PRKG1: variants seen among roughly 807,000 people sequenced by gnomAD.
PRKG1 encodes cGMP-dependent protein kinase 1.
In PRKG1, 35 loss-of-function variants were observed where a neutral mutation model predicts 88.1. The observed-to-expected ratio is 0.40, with a 90% CI of 0.30 to 0.53. PRKG1 has a LOEUF of 0.53. PRKG1 is among the 20% of genes least tolerant of loss of function. The probability of loss-of-function intolerance (pLI) is 0.59; values close to 1 mark genes in which losing one functional copy is unlikely to be tolerated. For synonymous variants in PRKG1, 303 were observed against 292.5 expected (o/e 1.04, Z -0.37); for missense variants, 540 against 839.8 (o/e 0.64, Z 4.41).
At chr10:51,485,390 C>T (rs766207) in intron 3 of PRKG1, among the ~76,000 whole-genome samples, 54,434 of 151,872 alleles carry the variant, frequency 0.36, 11,732 homozygotes, top group East Asian at 0.84. Flanking sequence ...ACAAATCTTC[C>T]GCGGAGGGTG....
chr10:51,251,386 C>T (rs1839423843), intron 2 of PRKG1, among the ~76,000 whole-genome samples: 1 of 151,766 alleles, frequency 6.6e-6, no homozygotes, highest in South Asian at 2.1e-4. Flanking sequence ...GATTGACCTA[C>T]AAGAGGAAAT....
intron 7 of PRKG1, among the ~76,000 whole-genome samples, chr10:52,088,818 C>A (rs929599813): frequency 4.0e-5 from 6 of 151,278 alleles, no homozygotes; most frequent in Non-Finnish European, 8.8e-5. Flanking sequence ...GATGCCCAAT[C>A]ACCCTTAAAT....
chr10:51,857,427 A>G (rs1282496506), intron 4 of PRKG1, among the ~76,000 whole-genome samples: 1 of 152,274 alleles, frequency 6.6e-6, no homozygotes, highest in East Asian at 1.9e-4. Flanking sequence ...CACCTGCTCG[A>G]GGACTTCAGA....
chr10:51,126,236 A>ATTAT (rs1381393755), intron 1 of PRKG1, among the ~76,000 whole-genome samples: 1 of 115,174 alleles, frequency 8.7e-6, no homozygotes, highest in African/African-American at 3.6e-5. Context: ...TATATTTATA[A>ATTAT]TTATATATTT....
intron 3 of PRKG1, among the ~76,000 whole-genome samples, chr10:51,785,587 A>C (rs2132571943): frequency 6.6e-6 from 1 of 152,184 alleles, no homozygotes; most frequent in Non-Finnish European, 1.5e-5. Context: ...CACAATACTA[A>C]GTGGAGACAA....
intron 3 of PRKG1, among the ~76,000 whole-genome samples, chr10:51,636,361 G>A (rs948494815): frequency 6.6e-6 from 1 of 152,096 alleles, no homozygotes; most frequent in Non-Finnish European, 1.5e-5. Flanking sequence ...AATTAACAGG[G>A]TTAGATAAAA....
intron 4 of PRKG1, among the ~76,000 whole-genome samples, chr10:51,899,461 T>A (rs1841930774): frequency 6.6e-6 from 1 of 151,544 alleles, no homozygotes; most frequent in African/African-American, 2.4e-5. Context: ...AGTCAGGAGT[T>A]CGAGACCAGC....
intron 3 of PRKG1, among the ~76,000 whole-genome samples, chr10:51,507,829 A>G (rs1021606072): frequency 4.6e-5 from 7 of 152,172 alleles, no homozygotes; most frequent in South Asian, 2.1e-4. Flanking sequence ...TGACCATTAA[A>G]TGCTTTTGAC....
At chr10:51,206,823 G>A (rs544035840) in intron 2 of PRKG1, among the ~76,000 whole-genome samples, 3 of 152,296 alleles carry the variant, frequency 2.0e-5, no homozygotes, top group Admixed American at 6.5e-5. Context: ...ATTGGGACAG[G>A]GAGGCGATCA....
At chr10:52,283,129 C>T (rs1051532461) in intron 14 of PRKG1, among the ~76,000 whole-genome samples, 2 of 152,002 alleles carry the variant, frequency 1.3e-5, no homozygotes, top group African/African-American at 4.8e-5. Flanking sequence ...AGTGTTTGGA[C>T]TCCATCTACA....
At chr10:52,072,879 G>A (rs936997577) in intron 7 of PRKG1, among the ~76,000 whole-genome samples, 1 of 152,144 alleles carries the variant, frequency 6.6e-6, no homozygotes, top group African/African-American at 2.4e-5. Context: ...TCCCCTCTTT[G>A]TGATGATGAC....
chr10:52,177,522 G>A (rs1838897828), intron 9 of PRKG1, among the ~76,000 whole-genome samples: 1 of 152,126 alleles, frequency 6.6e-6, no homozygotes, highest in African/African-American at 2.4e-5. Context: ...TTCATAGAAT[G>A]AGTTAGGAAG....
At chr10:52,000,977 T>C (rs144644696) in intron 5 of PRKG1, among the ~76,000 whole-genome samples, 86 of 152,100 alleles carry the variant, frequency 5.7e-4, no homozygotes, top group African/African-American at 2.1e-3. Context: ...ACCCTGAAGT[T>C]TTGTACCCTG....
At chr10:51,579,698 A>C (rs566143379) in intron 3 of PRKG1, among the ~76,000 whole-genome samples, 1 of 152,216 alleles carries the variant, frequency 6.6e-6, no homozygotes, top group African/African-American at 2.4e-5. Context: ...ATTGTTAACT[A>C]CTTCTAGGGT....
At chr10:51,339,832 G>A (rs942903878) in intron 2 of PRKG1, among the ~76,000 whole-genome samples, 7 of 151,900 alleles carry the variant, frequency 4.6e-5, no homozygotes, top group Non-Finnish European at 8.8e-5. Flanking sequence ...TTTTATTACA[G>A]TTTTTTACTT....
chr10:51,226,346 T>C (rs1304749766), intron 2 of PRKG1, among the ~76,000 whole-genome samples: 1 of 152,238 alleles, frequency 6.6e-6, no homozygotes, highest in African/African-American at 2.4e-5. Flanking sequence ...AGTCAAACTT[T>C]ACGTTGTTGT....
At chr10:52,025,196 G>A (rs1845303731) in intron 5 of PRKG1, among the ~76,000 whole-genome samples, 1 of 152,018 alleles carries the variant, frequency 6.6e-6, no homozygotes, top group Non-Finnish European at 1.5e-5. Flanking sequence ...TTGTAAATTT[G>A]TTTAAGTTCT....
intron 3 of PRKG1, among the ~76,000 whole-genome samples, chr10:51,603,801 AC>A (rs1322436189): frequency 2.0e-5 from 3 of 152,262 alleles, no homozygotes; most frequent in African/African-American, 7.2e-5. Context: ...ACATAGAGTG[AC>A]TTTAGGAGAA....
At chr10:51,208,992 T>C (rs1350826148) in intron 2 of PRKG1, among the ~76,000 whole-genome samples, 1 of 152,172 alleles carries the variant, frequency 6.6e-6, no homozygotes, top group Admixed American at 6.6e-5. Flanking sequence ...TTACTAGGTA[T>C]GGGTGCAATG....
Sources: allele counts gnomAD v4.1 joint callset (sites outside exome capture counted in the v4.1 genomes callset), GRCh38; gene constraint gnomAD v4.1.1; transcripts MANE v1.5; gene names NCBI Gene and HGNC (gene_info 2026-07-23, HGNC 2026-07-21).